Variants in SLX4IP observed in about 807,000 individuals in gnomAD.
The protein encoded by SLX4IP is SLX4 interacting protein.
SLX4IP carries 34 observed loss-of-function variants against 32.9 expected under a neutral mutation model. That is an observed-to-expected ratio of 1.03 (90% CI 0.79 to 1.38). The LOEUF is 1.38. SLX4IP is among the 40% of genes most tolerant of loss of function. SLX4IP has a pLI of 0.00. For synonymous variants in SLX4IP, 172 were observed against 171.7 expected (o/e 1.00, Z -0.01); for missense variants, 444 against 479.0 (o/e 0.93, Z 0.68).
At chr20:10,588,698 A>G (rs1020010634) in intron 4 of SLX4IP, among the ~76,000 whole-genome samples, 1 of 152,224 alleles carries the variant, frequency 6.6e-6, no homozygotes, top group African/African-American at 2.4e-5. Flanking sequence ...TAGAATCTAA[A>G]AAAGCCTAAT....
chr20:10,437,272 G>A lies in SLX4IP; in HGVS notation c.-30+1819G>A, dbSNP rs181705869. 4.6e-5 allele frequency among the ~76,000 whole-genome samples: 7 copies of A among 152,238 alleles called. No individual in the cohort carries two copies. In the East Asian group the frequency reaches 1.4e-3, roughly 29 times the overall value. The stretch of plus-strand genomic sequence containing the variant: ...TGTCAAAGTGCAGGAAAGCAGGCAT[G>A]AGCGACTGCACCCAGCTGCCTTCTG... On this transcript the variant is annotated intron_variant, in intron 1 of 7. Coordinates refer to ENST00000334534, the MANE Select transcript of SLX4IP (RefSeq NM_001009608.3).
intron 5 of SLX4IP, among the ~76,000 whole-genome samples, chr20:10,599,270 A>G (rs1242918305): frequency 6.6e-6 from 1 of 152,212 alleles, no homozygotes; most frequent in East Asian, 1.9e-4. Context: ...AGCACTGGAA[A>G]GAAAATTTAG....
At chr20:10,452,701 A>G (rs956506559) in intron 1 of SLX4IP, among the ~76,000 whole-genome samples, 7 of 147,056 alleles carry the variant, frequency 4.8e-5, no homozygotes, top group Non-Finnish European at 7.5e-5. Flanking sequence ...ATATATGTAA[A>G]TTAGCTGGGC....
At chr20:10,549,493 T>C (rs1178869636) in intron 2 of SLX4IP, among the ~76,000 whole-genome samples, 1 of 152,142 alleles carries the variant, frequency 6.6e-6, no homozygotes, top group Non-Finnish European at 1.5e-5. Flanking sequence ...TTGGCTGCCA[T>C]TGCTCACCTA....
At chr20:10,457,753 AAG>A (rs1383996988) in intron 1 of SLX4IP, among the ~76,000 whole-genome samples, 1 of 151,850 alleles carries the variant, frequency 6.6e-6, no homozygotes, top group Non-Finnish European at 1.5e-5. Context: ...TGTTTTTTTA[AAG>A]AGTTTATGAG....
At chr20:10,513,531 A>T (rs973031253) in intron 2 of SLX4IP, among the ~76,000 whole-genome samples, 1 of 152,236 alleles carries the variant, frequency 6.6e-6, no homozygotes, top group African/African-American at 2.4e-5. Context: ...GCACCTTTTC[A>T]TTACAAAATC....
chr20:10,559,551 C>T (rs2066308137), intron 3 of SLX4IP, among the ~76,000 whole-genome samples: 1 of 152,082 alleles, frequency 6.6e-6, no homozygotes, highest in Non-Finnish European at 1.5e-5. Context: ...TCTTATACAT[C>T]AGTTCTTAAT....
chr20:10,534,253 G>A (rs1015417455), intron 2 of SLX4IP, among the ~76,000 whole-genome samples: 3 of 152,150 alleles, frequency 2.0e-5, no homozygotes, highest in African/African-American at 7.2e-5. Flanking sequence ...GTCGGGGAGT[G>A]AGCATGTATT....
At chr20:10,613,554 C>T in intron 6 of SLX4IP, 4 of 1,612,072 alleles carry the variant, frequency 2.5e-6, no homozygotes, top group South Asian at 1.1e-5. Flanking sequence ...CTTTTGTCTG[C>T]TCTGAATGGC....
intron 2 of SLX4IP, among the ~76,000 whole-genome samples, chr20:10,507,832 C>T (rs1309986353): frequency 6.6e-6 from 1 of 151,610 alleles, no homozygotes; most frequent in African/African-American, 2.4e-5. Context: ...GGCATGTTTG[C>T]TTCCAGCCTT....
intron 1 of SLX4IP, among the ~76,000 whole-genome samples, chr20:10,448,500 G>T (rs2065218836): frequency 6.6e-6 from 1 of 152,228 alleles, no homozygotes; most frequent in Admixed American, 6.5e-5. Context: ...ATTTTATTAT[G>T]TAAAACAGAT....
chr20:10,599,318 T>A (rs1252089887), intron 5 of SLX4IP, among the ~76,000 whole-genome samples: 1 of 152,224 alleles, frequency 6.6e-6, no homozygotes, highest in East Asian at 1.9e-4. Context: ...ATATATAAGA[T>A]ATGATATAGG....
chr20:10,594,218 T>C (rs1380611266), intron 4 of SLX4IP, among the ~76,000 whole-genome samples: 6 of 152,198 alleles, frequency 3.9e-5, no homozygotes, highest in African/African-American at 1.4e-4. Flanking sequence ...TTTCAGACTG[T>C]GTGAGTGATG....
chr20:10,516,426 C>A (rs146159594), intron 2 of SLX4IP, among the ~76,000 whole-genome samples: 2 of 152,072 alleles, frequency 1.3e-5, no homozygotes, highest in African/African-American at 4.8e-5. Flanking sequence ...AGGTATGATT[C>A]TAAGGTAATG....
At chr20:10,569,494 C>G (rs1455814063) in intron 4 of SLX4IP, among the ~76,000 whole-genome samples, 1 of 151,956 alleles carries the variant, frequency 6.6e-6, no homozygotes, top group East Asian at 1.9e-4. Context: ...TCCTGTTATA[C>G]AGTGTATTGG....
At chr20:10,618,558 C>T (rs766835603) in intron 6 of SLX4IP, among the ~76,000 whole-genome samples, 2 of 152,114 alleles carry the variant, frequency 1.3e-5, no homozygotes, top group Admixed American at 1.3e-4. Context: ...CCTGGAAGAT[C>T]CTGTTGGTTA....
At chr20:10,605,623 G>A (rs2066897321) in intron 6 of SLX4IP, among the ~76,000 whole-genome samples, 1 of 152,180 alleles carries the variant, frequency 6.6e-6, no homozygotes, top group Non-Finnish European at 1.5e-5. Flanking sequence ...ATGATTTGTA[G>A]TGCTAGTACT....
At chr20:10,590,023 C>T (rs935952217) in intron 4 of SLX4IP, among the ~76,000 whole-genome samples, 1 of 151,862 alleles carries the variant, frequency 6.6e-6, no homozygotes, top group African/African-American at 2.4e-5. Flanking sequence ...TGCCTCCTCC[C>T]CTTACACACA....
At chr20:10,598,413 G>A (rs745330047) in intron 4 of SLX4IP, among the ~76,000 whole-genome samples, 27 of 152,236 alleles carry the variant, frequency 1.8e-4, no homozygotes, top group Admixed American at 1.1e-3. Flanking sequence ...ACAGGTGCCC[G>A]CCACCTCACC....
Sources: allele counts gnomAD v4.1 joint callset (sites outside exome capture counted in the v4.1 genomes callset), GRCh38; gene constraint gnomAD v4.1.1; transcripts MANE v1.5; gene names NCBI Gene and HGNC (gene_info 2026-07-23, HGNC 2026-07-21).